Variants in RNF150 observed in about 807,000 individuals in gnomAD.
RNF150 encodes the protein ring finger protein 150.
A neutral mutation model predicts 39.3 loss-of-function variants in RNF150; 24 were observed. The observed-to-expected ratio is 0.61, with a 90% CI of 0.44 to 0.86. The LOEUF (loss-of-function observed/expected upper bound fraction) is 0.86. RNF150 is among the 40% of genes least tolerant of loss of function. The pLI, the probability that RNF150 is intolerant of heterozygous loss-of-function variation, is 0.00. For missense variants in RNF150, 502 were observed against 587.8 expected, an observed-to-expected ratio of 0.85 and a Z score of 1.51; for synonymous variants, 255 against 227.3, an observed-to-expected ratio of 1.12 and a Z score of -1.10.
intron 4 of RNF150, among the ~76,000 whole-genome samples, chr4:140,942,738 A>T (rs1364123395): frequency 6.6e-6 from 1 of 152,214 alleles, no homozygotes; most frequent in Non-Finnish European, 1.5e-5. Context: ...CCTGGTGCTC[A>T]AAGTTTCAGA....
intron 4 of RNF150, among the ~76,000 whole-genome samples, chr4:140,943,229 G>A (rs1732156265): frequency 6.6e-6 from 1 of 152,110 alleles, no homozygotes; most frequent in African/African-American, 2.4e-5. Context: ...TAAAAATGAG[G>A]CACAAATAAT....
intron 1 of RNF150, among the ~76,000 whole-genome samples, chr4:141,078,961 A>T (rs531783558): frequency 6.6e-6 from 1 of 151,588 alleles, no homozygotes; most frequent in Non-Finnish European, 1.5e-5. Context: ...ACACATATAT[A>T]TGTTTATAAG....
At chr4:140,903,374 G>A (rs963042711) in intron 6 of RNF150, among the ~76,000 whole-genome samples, 1 of 152,176 alleles carries the variant, frequency 6.6e-6, no homozygotes, top group Non-Finnish European at 1.5e-5. Flanking sequence ...TCTTATGTGA[G>A]CCAAGAGGTA....
intron 1 of RNF150, among the ~76,000 whole-genome samples, chr4:141,154,853 GTT>G (rs1329314520): frequency 6.6e-6 from 1 of 152,124 alleles, no homozygotes; most frequent in Non-Finnish European, 1.5e-5. Flanking sequence ...GTCTCATTTA[GTT>G]TTATCAGTAA....
At chr4:141,108,335 A>G (rs966284974) in intron 1 of RNF150, among the ~76,000 whole-genome samples, 2 of 152,186 alleles carry the variant, frequency 1.3e-5, no homozygotes, top group Non-Finnish European at 2.9e-5. Flanking sequence ...ACTGTATTCA[A>G]TTCAATAAAT....
At position 140,911,475 on chromosome 4, in the gene RNF150, C is replaced by A. The variant is rs1419190765; in HGVS notation, c.988-121G>T. On this transcript the variant is annotated intron_variant, in intron 5 of 6. Coordinates refer to ENST00000515673, the MANE Select transcript of RNF150 (RefSeq NM_020724.2). ...AGTTCTTTATTGTTTACTTCTTGAGCCACTTTATTTAAAAACATTCTATAT... is the reference window on the plus strand; with the variant it reads ...AGTTCTTTATTGTTTACTTCTTGAGACACTTTATTTAAAAACATTCTATAT... The A allele has an allele frequency of 1.2e-5, 9 of 737,838 alleles. No homozygotes were observed. The South Asian group carries it at 1.8e-4, about 15-fold the overall frequency. 45.7% of individuals were successfully genotyped at this position (737,838 alleles called of 1,614,324 possible).
intron 1 of RNF150, among the ~76,000 whole-genome samples, chr4:141,115,841 A>G (rs990722566): frequency 3.3e-5 from 5 of 152,182 alleles, no homozygotes; most frequent in South Asian, 4.1e-4. Flanking sequence ...AATACCACAC[A>G]TCGACAACCA....
chr4:141,189,838 G>A (rs1169658389), intron 1 of RNF150, among the ~76,000 whole-genome samples: 7 of 152,214 alleles, frequency 4.6e-5, no homozygotes, highest in Admixed American at 3.9e-4. Context: ...CCTGGGGTCC[G>A]TGGGAGTGGG....
chr4:140,870,043 G>A, intron 6 of RNF150, among the ~76,000 whole-genome samples: 1 of 152,040 alleles, frequency 6.6e-6, no homozygotes, highest in East Asian at 1.9e-4. Flanking sequence ...TTCATGATGT[G>A]GCACAGTTAA....
chr4:140,974,497 A>G (rs566594395), intron 1 of RNF150, among the ~76,000 whole-genome samples: 23 of 152,344 alleles, frequency 1.5e-4, no homozygotes, highest in Middle Eastern at 3.4e-3. Flanking sequence ...ATAAATGTTC[A>G]TATCTCTGGG....
intron 1 of RNF150, among the ~76,000 whole-genome samples, chr4:141,003,487 TAC>T (rs2110728702): frequency 6.6e-6 from 1 of 151,958 alleles, no homozygotes; most frequent in East Asian, 1.9e-4. Flanking sequence ...CTTGCTCTCT[TAC>T]GTTTCCCACT....
intron 1 of RNF150, among the ~76,000 whole-genome samples, chr4:141,154,516 A>G (rs1727351002): frequency 6.6e-6 from 1 of 152,186 alleles, no homozygotes; most frequent in Non-Finnish European, 1.5e-5. Context: ...AGAGTTGAGA[A>G]GAGTCAGAGA....
In RNF150 at chr4:140,967,630, C is replaced by T; in HGVS notation, c.728G>A (p.Arg243Lys). The change falls in exon 2 of 7, where the codon AGG (arginine) becomes AAG (lysine). Residue 243 changes from arginine (R) to lysine (K), a missense_variant. Arg to Lys is a conservative substitution (Grantham distance 26). Transcript: ENST00000515673. ...TAACTTTTTGCTACTCACCTGGTTC[C>T]TATCCCTGGCATTTGCATATCGAAA... ...QRFRYANARDRNQRRLGDAAK... is the reference protein window; with the variant it reads ...QRFRYANARDKNQRRLGDAAK... The T allele has an allele frequency of 6.2e-7, 1 of 1,606,894 alleles. No individual in the cohort carries two copies. Among genetic ancestry groups the T allele is most frequent in the Non-Finnish European group, 8.5e-7 (1 of 1,174,300 alleles).
Position 141,133,114 on chromosome 4 carries a change from C to G in RNF150, c.-306G>C, listed in dbSNP as rs1484071175. The stretch of plus-strand genomic sequence containing the variant: ...AGTCCTGCTGCCGAGCGTCCTGCTC[C>G]TTCGCCCGGCTTCGCCTTCTCTCAT... On this transcript the variant is annotated 5_prime_UTR_variant, in exon 1 of 7. Coordinates refer to ENST00000515673, the MANE Select transcript of RNF150 (RefSeq NM_020724.2). 6.2e-6 allele frequency: 2 copies of G among 323,718 alleles called. No individual in the cohort carries two copies. The highest frequency in any genetic ancestry group is 1.1e-5 in the Non-Finnish European group (2 of 174,490). The allele number at this position is 323,718 out of a possible 1,614,324, so 20.1% of individuals were successfully genotyped here. A position where few individuals can be genotyped will look rare whatever the true frequency, so the allele number is the denominator to read the frequency against.
chr4:140,878,113 ATTTATT>A (rs1191616299), intron 6 of RNF150, among the ~76,000 whole-genome samples: 3 of 140,780 alleles, frequency 2.1e-5, no homozygotes, highest in Admixed American at 2.1e-4. Flanking sequence ...AATTTTATTT[ATTTATT>A]TTTAATATTA....
chr4:141,063,201 G>A (rs1737306602), intron 1 of RNF150, among the ~76,000 whole-genome samples: 1 of 152,152 alleles, frequency 6.6e-6, no homozygotes, highest in Non-Finnish European at 1.5e-5. Context: ...CTATAAATAT[G>A]AAATGCGTTT....
At chr4:140,901,190 G>C (rs747735470) in intron 6 of RNF150, among the ~76,000 whole-genome samples, 2 of 152,204 alleles carry the variant, frequency 1.3e-5, no homozygotes, top group Admixed American at 6.5e-5. Flanking sequence ...TTTATGCACA[G>C]TTAGACGTTA....
intron 6 of RNF150, among the ~76,000 whole-genome samples, chr4:140,898,669 T>A (rs1730051404): frequency 6.6e-6 from 1 of 152,256 alleles, no homozygotes; most frequent in Non-Finnish European, 1.5e-5. Context: ...AGTATTTATG[T>A]ATCCAACTAC....
At chr4:140,911,963 C>T (rs996179142) in intron 5 of RNF150, among the ~76,000 whole-genome samples, 9 of 152,198 alleles carry the variant, frequency 5.9e-5, no homozygotes, top group African/African-American at 2.2e-4. Flanking sequence ...ATTGATCATA[C>T]ATTAGTCAAA....
Sources: gnomAD v4.1 joint callset for allele counts (sites outside exome capture counted in the v4.1 genomes callset) on GRCh38, gnomAD v4.1.1 for gene constraint, MANE v1.5 for transcripts, NCBI Gene and HGNC (gene_info 2026-07-23, HGNC 2026-07-21) for gene names.